Variants in GABRR3 observed in about 807,000 individuals in gnomAD.
GABRR3 encodes gamma-aminobutyric acid receptor subunit rho-3.
In GABRR3, 29 loss-of-function variants were observed where a neutral mutation model predicts 43.2. The ratio of observed to expected loss-of-function variants is 0.67; its 90% CI spans 0.50 to 0.92. The LOEUF (loss-of-function observed/expected upper bound fraction) is 0.92, where lower values mean the gene tolerates loss of function less well. Among genes scored for constraint, GABRR3 ranks in the 40% least tolerant of loss-of-function variants. The pLI is 0.00. For missense variants in GABRR3, 576 were observed against 572.3 expected (o/e 1.01, Z -0.07); for synonymous variants, 206 against 195.9 (o/e 1.05, Z -0.43).
At chr3:98,005,428 A>AT (rs927634794) in intron 7 of GABRR3, among the ~76,000 whole-genome samples, 10 of 151,828 alleles carry the variant, frequency 6.6e-5, no homozygotes, top group South Asian at 2.1e-4. Context: ...CCTAATTCTA[A>AT]TTTTTTTTCA....
intron 2 of GABRR3, among the ~76,000 whole-genome samples, chr3:98,029,018 C>G (rs1046924778): frequency 1.3e-5 from 2 of 151,924 alleles, no homozygotes; most frequent in Non-Finnish European, 2.9e-5. Context: ...CTCCCCTCTC[C>G]CCCATTCTAG....
chr3:98,001,680 A>G lies in GABRR3; in HGVS notation c.842T>C (p.Met281Thr), dbSNP rs780653601. The change falls in exon 8 of 10, where the codon ATG becomes ACG. Residue 281 changes from methionine to threonine, a missense_variant. Coordinates refer to ENST00000621172, the Ensembl canonical transcript of GABRR3. ...AAATGAAACCCATGAAAGCATCACC[A>G]TCAATATGGCTGGGAAATAGGTTTG... The G allele has an allele frequency of 9.9e-6, 16 of 1,613,290 alleles. No homozygotes were observed. The Admixed American group carries it at 2.7e-4, about 27-fold the overall frequency.
At chr3:98,008,758 A>T (rs1706753038) in intron 6 of GABRR3, among the ~76,000 whole-genome samples, 198 bp downstream of exon 6, 2 of 148,402 alleles carry the variant, frequency 1.3e-5, no homozygotes, top group South Asian at 4.3e-4. Flanking sequence ...CTTCTCCTTT[A>T]ACAGACAAAC....
chr3:97,985,860 T>TA (rs1491112050), downstream of GABRR3, among the ~76,000 whole-genome samples: 6 of 888 alleles, frequency 6.8e-3, no homozygotes, highest in African/African-American at 7.2e-3. Context: ...TATATATATA[T>TA]TTTTTTTTAT....
At chr3:98,031,706 G>A (rs564807239) in intron 2 of GABRR3, among the ~76,000 whole-genome samples, 2 of 151,728 alleles carry the variant, frequency 1.3e-5, no homozygotes, top group Non-Finnish European at 2.9e-5. Context: ...TTGGACCACC[G>A]CACTCCAGCC....
chr3:98,013,989 A>G (rs560576670), intron 4 of GABRR3, among the ~76,000 whole-genome samples: 1 of 152,332 alleles, frequency 6.6e-6, no homozygotes, highest in African/African-American at 2.4e-5. Flanking sequence ...GGAGGGTGAG[A>G]CAAATCTTAA....
At chr3:98,012,399 T>A (rs1706804609) in exon 5 of GABRR3, 2 of 1,613,938 alleles carry the variant, frequency 1.2e-6, no homozygotes, top group African/African-American at 2.7e-5. Context: ...ATATTCTCCA[T>A]AGTTGTATCA....
At chr3:98,018,518 A>T (rs1706901081) in intron 3 of GABRR3, among the ~76,000 whole-genome samples, 1 of 152,182 alleles carries the variant, frequency 6.6e-6, no homozygotes, top group Non-Finnish European at 1.5e-5. Flanking sequence ...CAGAATCCAG[A>T]CTAGACTGAC....
At chr3:97,990,161 T>C (rs1173396855) in intron 9 of GABRR3, among the ~76,000 whole-genome samples, 2 of 152,180 alleles carry the variant, frequency 1.3e-5, no homozygotes, top group Non-Finnish European at 2.9e-5. Context: ...GAACTTCCAT[T>C]TGTATAGCAC....
At chr3:98,024,114 C>G (rs1439438251) in intron 3 of GABRR3, among the ~76,000 whole-genome samples, 1 of 152,144 alleles carries the variant, frequency 6.6e-6, no homozygotes, top group Non-Finnish European at 1.5e-5. Context: ...TCCCAGCACT[C>G]TGGGAGGCCG....
At chr3:98,001,582 G>T in intron 8 of GABRR3, 33 bp downstream of exon 8, 1 of 1,610,248 alleles carries the variant, frequency 6.2e-7, no homozygotes, top group South Asian at 1.1e-5. Context: ...TTTCTCCCAT[G>T]TTAACATTTT....
At chr3:97,995,727 A>G (rs9833569) in intron 8 of GABRR3, among the ~76,000 whole-genome samples, 51,405 of 151,964 alleles carry the variant, frequency 0.34, 9,342 homozygotes, top group East Asian at 0.48. Context: ...TTATAGTTAC[A>G]TTAAATACAC....
intron 5 of GABRR3, among the ~76,000 whole-genome samples, chr3:98,010,782 A>G (rs1268667589): frequency 6.6e-6 from 1 of 152,112 alleles, no homozygotes; most frequent in African/African-American, 2.4e-5. Context: ...AGTATGTATG[A>G]GTCCTATGCT....
At chr3:98,023,758 G>T (rs1225548320) in intron 3 of GABRR3, among the ~76,000 whole-genome samples, 1 of 152,166 alleles carries the variant, frequency 6.6e-6, no homozygotes. Flanking sequence ...CAATAAGTGT[G>T]AAAAATGCTC....
intron 9 of GABRR3, among the ~76,000 whole-genome samples, chr3:97,989,009 G>A (rs1421726386): frequency 1.3e-5 from 2 of 151,182 alleles, no homozygotes; most frequent in Non-Finnish European, 3.0e-5. Flanking sequence ...GGTAGATGGT[G>A]CATGGTGGTG....
chr3:98,015,443 A>T (rs1706862639), intron 4 of GABRR3, among the ~76,000 whole-genome samples: 1 of 152,144 alleles, frequency 6.6e-6, no homozygotes, highest in South Asian at 2.1e-4. Flanking sequence ...TGATCTGGCC[A>T]CCTTGGCCTC....
intron 9 of GABRR3, among the ~76,000 whole-genome samples, chr3:97,988,267 G>A (rs538074418): frequency 8.6e-5 from 13 of 151,944 alleles, no homozygotes; most frequent in South Asian, 2.1e-4. Context: ...TAGTAGAGAC[G>A]AGGTCCTGTT....
chr3:97,998,457 TAATC>T (rs1208774533), intron 8 of GABRR3: 2 of 152,140 alleles, frequency 1.3e-5, no homozygotes, highest in African/African-American at 4.8e-5. Context: ...CAATGGATTG[TAATC>T]AAAAGTATAA....
intron 3 of GABRR3, among the ~76,000 whole-genome samples, chr3:98,018,168 C>T (rs1012468424): frequency 1.4e-4 from 21 of 152,042 alleles, no homozygotes; most frequent in Non-Finnish European, 2.6e-4. Context: ...GAATCCTTGA[C>T]GTGGGCAATG....
Sources: gnomAD v4.1 joint callset for allele counts (sites outside exome capture counted in the v4.1 genomes callset) on GRCh38, gnomAD v4.1.1 for gene constraint, MANE v1.5 for transcripts, NCBI Gene and HGNC (gene_info 2026-07-23, HGNC 2026-07-21) for gene names.